NLGN4X: variants seen among roughly 807,000 people sequenced by gnomAD.
NLGN4X encodes neuroligin-4, X-linked.
Under a neutral mutation model 40.3 loss-of-function variants are expected in NLGN4X, and 3 were observed. The observed-to-expected ratio is 0.07, with a 90% CI of 0.03 to 0.19. The LOEUF is 0.19. Ranked by LOEUF, NLGN4X falls within the 10% of genes least tolerant of loss-of-function variation. NLGN4X has a pLI of 1.00. For missense variants in NLGN4X, 382 were observed against 708.3 expected, an observed-to-expected ratio of 0.54 and a Z score of 5.23; for synonymous variants, 270 against 306.8, an observed-to-expected ratio of 0.88 and a Z score of 1.25.
intron 2 of NLGN4X, among the ~76,000 whole-genome samples, chrX:6,096,084 C>T (rs769816979): frequency 1.4e-3 from 160 of 111,930 alleles, no homozygotes; most frequent in African/African-American, 5.0e-3. Context: ...TCCAGAACTG[C>T]GTTACAATAT....
chrX:6,008,785 T>C (rs1402152447), intron 3 of NLGN4X, among the ~76,000 whole-genome samples: 4 of 111,963 alleles, frequency 3.6e-5, no homozygotes, highest in African/African-American at 1.3e-4. Context: ...ACCATCTATC[T>C]TCAGAACATT....
At position 6,004,806 on chromosome X, in the gene NLGN4X, T is replaced by C. The variant is rs2036061599; in HGVS notation, c.625+24474A>G. ...GATCATTCACACAAAAGGCATGCTTTTGAATATTCAGTAATATTTTCTCCT... is the reference window on the plus strand; with the variant it reads ...GATCATTCACACAAAAGGCATGCTTCTGAATATTCAGTAATATTTTCTCCT... On this transcript the variant is annotated intron_variant, in intron 3 of 5. Coordinates refer to ENST00000381095, the MANE Select transcript of NLGN4X (RefSeq NM_181332.3). 5.4e-5 allele frequency among the ~76,000 whole-genome samples: 6 copies of C among 112,149 alleles called. No homozygotes were observed. The Admixed American group carries it at 5.7e-4, about 11-fold the overall frequency.
intron 3 of NLGN4X, among the ~76,000 whole-genome samples, chrX:6,019,567 T>A (rs2036481672): frequency 9.0e-6 from 1 of 111,707 alleles, no homozygotes; most frequent in Admixed American, 9.5e-5. Flanking sequence ...GAACCCTAAT[T>A]CCAATGTACT....
In NLGN4X at chrX:6,046,665, G is replaced by A. The variant is rs146536025; in HGVS notation, c.473-17233C>T. ...GCATTTTTGCTGCATATATATATGCGCATAGACGATTATATGGTCAGCTTT... is the reference window on the plus strand; with the variant it reads ...GCATTTTTGCTGCATATATATATGCACATAGACGATTATATGGTCAGCTTT... On this transcript the variant is annotated intron_variant, in intron 2 of 5. Transcript: ENST00000381095. 9.6e-3 allele frequency among the ~76,000 whole-genome samples: 1,064 copies of A among 110,383 alleles called. 32 individuals carry two copies. Among genetic ancestry groups the A allele is most frequent in the Admixed American group, 0.085 (865 of 10,217 alleles).
intron 2 of NLGN4X, among the ~76,000 whole-genome samples, chrX:6,136,130 T>C (rs901345804): frequency 8.9e-6 from 1 of 111,843 alleles, no homozygotes. Flanking sequence ...TGAGCTATGA[T>C]TGCAATGGTG....
intron 2 of NLGN4X, among the ~76,000 whole-genome samples, chrX:6,080,323 A>G: frequency 9.0e-6 from 1 of 111,599 alleles, no homozygotes; most frequent in Admixed American, 9.5e-5. Context: ...TTCCAAGTGA[A>G]CAGTCCTGAC....
At chrX:6,053,966 A>G (rs762147928) in intron 2 of NLGN4X, among the ~76,000 whole-genome samples, 2 of 111,948 alleles carry the variant, frequency 1.8e-5, no homozygotes, top group East Asian at 2.8e-4. Context: ...CAGCTTTGTC[A>G]TCAAATAGAG....
intron 1 of NLGN4X, chrX:6,227,255 A>T (rs920725028): frequency 3.7e-5 from 4 of 108,992 alleles, no homozygotes; most frequent in African/African-American, 1.3e-4. Context: ...TGGTGCGCCT[A>T]TTGGAACCGA....
chrX:6,132,566 C>T (rs750284948), intron 2 of NLGN4X, among the ~76,000 whole-genome samples: 1 of 111,211 alleles, frequency 9.0e-6, no homozygotes. Flanking sequence ...GTCAAATGTC[C>T]CTTACAGTGG....
At chrX:6,043,782 G>A (rs183745607) in intron 2 of NLGN4X, among the ~76,000 whole-genome samples, 1 of 111,732 alleles carries the variant, frequency 8.9e-6, no homozygotes, top group East Asian at 2.8e-4. Context: ...TTCAATTTCT[G>A]AGTATGCTGT....
At chrX:6,220,272 A>G (rs1180329410) in intron 1 of NLGN4X, among the ~76,000 whole-genome samples, 2 of 74,273 alleles carry the variant, frequency 2.7e-5, no homozygotes, top group African/African-American at 1.0e-4. Context: ...AATAGACAAC[A>G]TTACTCATAC....
chrX:6,174,391 G>A, intron 1 of NLGN4X, among the ~76,000 whole-genome samples: 1 of 112,094 alleles, frequency 8.9e-6, no homozygotes, highest in Non-Finnish European at 1.9e-5. Context: ...GGACTTAAAT[G>A]AAACAAAACT....
At chrX:6,222,784 C>T (rs912303837) in intron 1 of NLGN4X, among the ~76,000 whole-genome samples, 4 of 112,281 alleles carry the variant, frequency 3.6e-5, no homozygotes, top group Admixed American at 1.9e-4. Flanking sequence ...GGGCAGTTTG[C>T]CCCATGCTAT....
intron 3 of NLGN4X, among the ~76,000 whole-genome samples, chrX:5,977,517 C>A (rs978492468): frequency 8.1e-5 from 9 of 111,317 alleles, no homozygotes; most frequent in African/African-American, 2.9e-4. Context: ...CCACTGTGTC[C>A]AGCCACTTAT....
intron 2 of NLGN4X, among the ~76,000 whole-genome samples, chrX:6,145,557 A>G (rs1221382195): frequency 8.9e-6 from 1 of 112,342 alleles, no homozygotes; most frequent in Non-Finnish European, 1.9e-5. Context: ...TTGAACACAA[A>G]TATCTCTTGA....
chrX:6,087,568 C>A (rs2038528644), intron 2 of NLGN4X, among the ~76,000 whole-genome samples: 1 of 111,870 alleles, frequency 8.9e-6, no homozygotes, highest in Non-Finnish European at 1.9e-5. Context: ...CACCTATGTA[C>A]ATATATCTTT....
intron 3 of NLGN4X, among the ~76,000 whole-genome samples, chrX:6,003,624 C>T (rs767170042): frequency 2.3e-3 from 258 of 111,933 alleles, no homozygotes; most frequent in African/African-American, 8.2e-3. Context: ...CTGGGCTGTG[C>T]CTGTTGCTGC....
intron 1 of NLGN4X, among the ~76,000 whole-genome samples, 192 bp downstream of exon 1, chrX:6,228,349 A>G (rs1926564665): frequency 8.9e-6 from 1 of 112,224 alleles, no homozygotes; most frequent in African/African-American, 3.2e-5. Flanking sequence ...AGCGAGACAG[A>G]TGGGAGAAAG....
At chrX:6,136,039 G>T (rs926706963) in intron 2 of NLGN4X, among the ~76,000 whole-genome samples, 5 of 111,828 alleles carry the variant, frequency 4.5e-5, no homozygotes, top group Non-Finnish European at 7.5e-5. Flanking sequence ...TAGAAGTTGG[G>T]TTACAATCTG....
Sources: gnomAD v4.1 joint callset for allele counts (sites outside exome capture counted in the v4.1 genomes callset) on GRCh38, gnomAD v4.1.1 for gene constraint, MANE v1.5 for transcripts, NCBI Gene and HGNC (gene_info 2026-07-23, HGNC 2026-07-21) for gene names.